NDRG1: variants seen among roughly 807,000 people sequenced by gnomAD.
NDRG1 encodes protein NDRG1.
Under a neutral mutation model 56.9 loss-of-function variants are expected in NDRG1, and 32 were observed. That is an observed-to-expected ratio of 0.56 (90% CI 0.42 to 0.76). The LOEUF (loss-of-function observed/expected upper bound fraction) is 0.76, where lower values mean the gene tolerates loss of function less well. Among genes scored for constraint, NDRG1 ranks in the 30% least tolerant of loss-of-function variants. The pLI, the probability that NDRG1 is intolerant of heterozygous loss-of-function variation, is 0.00. For synonymous variants in NDRG1, 211 were observed against 204.1 expected, an observed-to-expected ratio of 1.03 and a Z score of -0.29; for missense variants, 507 against 545.7, an observed-to-expected ratio of 0.93 and a Z score of 0.71.
At chr8:133,259,690 GAAT>G (rs1317490133) in intron 5 of NDRG1, among the ~76,000 whole-genome samples, 5 of 136,524 alleles carry the variant, frequency 3.7e-5, no homozygotes, top group Admixed American at 1.4e-4. Context: ...AAACAGGCAT[GAAT>G]GAGTTCCATC....
intron 1 of NDRG1, chr8:133,296,868 A>T (rs1368396240): frequency 4.5e-6 from 1 of 224,312 alleles, no homozygotes; most frequent in African/African-American, 2.3e-5. Flanking sequence ...CGACCTCCAG[A>T]ACCCCAATCC....
chr8:133,246,594 AC>A, intron 13 of NDRG1, 21 bp downstream of exon 13: 1 of 1,613,630 alleles, frequency 6.2e-7, no homozygotes, highest in Non-Finnish European at 8.5e-7. Flanking sequence ...ACAAACACGA[AC>A]CCCCACTGTT....
chr8:133,291,061 CGGGGGAGGG>C (rs1563644827), intron 1 of NDRG1, among the ~76,000 whole-genome samples: 38 of 152,284 alleles, frequency 2.5e-4, no homozygotes, highest in African/African-American at 8.9e-4. Flanking sequence ...CTCATTCCCT[CGGGGGAGGG>C]CGGACAACAG....
chr8:133,250,058 G>A (rs1454725624), intron 10 of NDRG1, among the ~76,000 whole-genome samples: 3 of 152,226 alleles, frequency 2.0e-5, no homozygotes, highest in African/African-American at 7.2e-5. Flanking sequence ...CCAGAAGCCT[G>A]CCTGGATTAT....
At chr8:133,258,991 A>G (rs1856526472) in intron 6 of NDRG1, 177 bp downstream of exon 6, 4 of 715,726 alleles carry the variant, frequency 5.6e-6, no homozygotes, top group Admixed American at 4.0e-5. Flanking sequence ...GAGACAGACT[A>G]GAGCTCAGAG....
At chr8:133,294,863 G>A (rs1013437772) in intron 1 of NDRG1, among the ~76,000 whole-genome samples, 8 of 152,000 alleles carry the variant, frequency 5.3e-5, no homozygotes, top group Non-Finnish European at 8.8e-5. Flanking sequence ...ATTTCCTTTC[G>A]CCCCTCCATA....
chr8:133,246,519 T>C (rs1224167882), intron 13 of NDRG1, 97 bp downstream of exon 13: 2 of 1,206,978 alleles, frequency 1.7e-6, no homozygotes, highest in African/African-American at 3.0e-5. Flanking sequence ...TTTCTGATCG[T>C]GTGCCTTGCC....
chr8:133,265,504 A>C (rs931514620), intron 3 of NDRG1, among the ~76,000 whole-genome samples: 1 of 152,102 alleles, frequency 6.6e-6, no homozygotes, highest in Non-Finnish European at 1.5e-5. Context: ...GTTGACCAAA[A>C]GATTCTGAAT....
chr8:133,269,557 TGA>T (rs1366954207), intron 3 of NDRG1, among the ~76,000 whole-genome samples: 1 of 152,192 alleles, frequency 6.6e-6, no homozygotes, highest in Non-Finnish European at 1.5e-5. Flanking sequence ...AAGCTGAGGC[TGA>T]GAGAGATTAA....
chr8:133,272,654 C>A (rs1157201112), intron 3 of NDRG1, among the ~76,000 whole-genome samples: 1 of 152,156 alleles, frequency 6.6e-6, no homozygotes, highest in Non-Finnish European at 1.5e-5. Context: ...TCCTAGGAAA[C>A]CCACAGCAGA....
chr8:133,274,966 G>A (rs1177181913), intron 3 of NDRG1, among the ~76,000 whole-genome samples: 2 of 152,228 alleles, frequency 1.3e-5, no homozygotes, highest in Non-Finnish European at 2.9e-5. Context: ...ACACTGAAGT[G>A]CATGGCAGAC....
intron 2 of NDRG1, among the ~76,000 whole-genome samples, chr8:133,281,974 G>A (rs1857833192): frequency 6.6e-6 from 1 of 152,160 alleles, no homozygotes; most frequent in Admixed American, 6.6e-5. Flanking sequence ...CAGACACAAG[G>A]AAGAACTTCC....
Position 133,239,042 on chromosome 8 carries a change from G to A in NDRG1, c.1021C>T (p.Arg341Cys), listed in dbSNP as rs549715102. 26 of 1,596,208 alleles carry A rather than the reference G, an allele frequency of 1.6e-5. No individual in the cohort carries two copies. Among genetic ancestry groups the A allele is most frequent in the South Asian group, 1.0e-4 (9 of 87,834 alleles). Reference protein sequence around the residue: ...GSSVTSLDGTRSRSHTSEGTR... With the variant: ...GSSVTSLDGTCSRSHTSEGTR... ...CCCTCGCTGGTGTGGGAGCGGCTGCGGGTGCCATCCAGAGAAGTGACGCTG... is the reference window on the plus strand; with the variant it reads ...CCCTCGCTGGTGTGGGAGCGGCTGCAGGTGCCATCCAGAGAAGTGACGCTG... Residue 341 changes from arginine to cysteine, a missense_variant, in exon 16 of 16, where the codon CGC (arginine) becomes TGC (cysteine). Arg to Cys is a radical substitution (Grantham distance 180). Coordinates refer to ENST00000323851, the MANE Select transcript of NDRG1 (RefSeq NM_006096.4).
At chr8:133,283,083 G>A (rs954925756) in intron 2 of NDRG1, among the ~76,000 whole-genome samples, 2 of 152,236 alleles carry the variant, frequency 1.3e-5, no homozygotes, top group Non-Finnish European at 1.5e-5. Context: ...TAAATGAACA[G>A]TCTATTCACC....
At chr8:133,268,586 C>T (rs190721373) in intron 3 of NDRG1, among the ~76,000 whole-genome samples, 6 of 152,244 alleles carry the variant, frequency 3.9e-5, no homozygotes, top group East Asian at 1.9e-4. Context: ...TAAGCGCCTA[C>T]GAAGAGTAAG....
At chr8:133,267,759 T>C (rs1168046359) in intron 3 of NDRG1, among the ~76,000 whole-genome samples, 1 of 152,144 alleles carries the variant, frequency 6.6e-6, no homozygotes, top group Non-Finnish European at 1.5e-5. Context: ...ATCCAAGTCC[T>C]ACCACTCCCC....
At chr8:133,275,088 C>G (rs957108155) in intron 3 of NDRG1, among the ~76,000 whole-genome samples, 6 of 152,306 alleles carry the variant, frequency 3.9e-5, no homozygotes, top group Middle Eastern at 3.4e-3. Context: ...AAGCTCTGTC[C>G]TTCTCAGTTC....
At position 133,284,298 on chromosome 8, in the gene NDRG1, A is replaced by G. The variant is rs138555940; in HGVS notation, c.14T>C (p.Met5Thr). Residue 5 changes from methionine (M) to threonine (T), a missense_variant, in exon 2 of 16, where the codon ATG becomes ACG. By Grantham distance (81) the Met-to-Thr change is moderately conservative (BLOSUM62 -1). Transcript: ENST00000323851. The part of the protein sequence containing the change: MSRE[M>T]QDVDLAEVKP... ...CACCTCAGCGAGGTCTACATCCTGCATCTCCCGAGACATGTCCCTGCTGTC... is the reference window on the plus strand; with the variant it reads ...CACCTCAGCGAGGTCTACATCCTGCGTCTCCCGAGACATGTCCCTGCTGTC... The G allele has an allele frequency of 3.5e-5, 56 of 1,614,006 alleles. No homozygotes were observed. The highest frequency in any genetic ancestry group is 4.7e-5 in the Non-Finnish European group (56 of 1,180,050).
intron 13 of NDRG1, among the ~76,000 whole-genome samples, chr8:133,246,015 A>G (rs901190371): frequency 6.6e-6 from 1 of 152,188 alleles, no homozygotes; most frequent in African/African-American, 2.4e-5. Flanking sequence ...ATCTCCACCC[A>G]GGTCCCGCCT....
Sources: gnomAD v4.1 joint callset for allele counts (sites outside exome capture counted in the v4.1 genomes callset) on GRCh38, gnomAD v4.1.1 for gene constraint, MANE v1.5 for transcripts, NCBI Gene and HGNC (gene_info 2026-07-23, HGNC 2026-07-21) for gene names.